Variants in FOXJ3 observed in about 807,000 individuals in gnomAD.
FOXJ3 encodes the protein forkhead box protein J3.
A neutral mutation model predicts 76.1 loss-of-function variants in FOXJ3; 22 were observed. The observed-to-expected ratio is 0.29, with a 90% CI of 0.21 to 0.41. The LOEUF is 0.41. FOXJ3 is among the 10% of genes least tolerant of loss of function. The probability of loss-of-function intolerance (pLI) is 1.00; values close to 1 mark genes in which losing one functional copy is unlikely to be tolerated. For synonymous variants in FOXJ3, 269 were observed against 261.2 expected (o/e 1.03, Z -0.29); for missense variants, 613 against 762.1 (o/e 0.80, Z 2.30).
rs373534101 is a variant in FOXJ3 at position 42,181,878 on chromosome 1, C to T, written c.1753+39G>A. 3 of 1,350,036 alleles carry T rather than the reference C, an allele frequency of 2.2e-6. No homozygotes were observed. In the African/African-American group the frequency reaches 4.4e-5, roughly 20 times the overall value. 83.6% of individuals were successfully genotyped at this position (1,350,036 alleles called of 1,614,324 possible). On this transcript the variant is annotated intron_variant, in intron 12 of 12. Transcript: ENST00000361346. ...TTCCTGGAGTGCTCACACACACACA[C>T]ACACACACACACACACTCACTCTCT...
upstream of FOXJ3, chr1:42,335,334 C>A (rs1014643296): frequency 6.6e-6 from 1 of 152,182 alleles, no homozygotes; most frequent in Non-Finnish European, 1.5e-5. Flanking sequence ...CCTGCGCGGT[C>A]ACGGTCGCTT....
chr1:42,318,597 G>A (rs938237727), intron 1 of FOXJ3, among the ~76,000 whole-genome samples: 5 of 152,044 alleles, frequency 3.3e-5, no homozygotes, highest in East Asian at 1.9e-4. Context: ...CGCCCACCTC[G>A]GCCTCCCAAA....
intron 4 of FOXJ3, among the ~76,000 whole-genome samples, chr1:42,250,798 C>CAAAA (rs61431089): frequency 1.3e-4 from 3 of 23,784 alleles, no homozygotes; most frequent in African/African-American, 3.4e-4. Flanking sequence ...AACTCCATCT[C>CAAAA]AAAAAAAAAA....
chr1:42,230,379 A>T (rs2124469165), intron 4 of FOXJ3, among the ~76,000 whole-genome samples: 1 of 152,318 alleles, frequency 6.6e-6, no homozygotes, highest in East Asian at 1.9e-4. Flanking sequence ...CCCTTATCCA[A>T]AATGCTTGAA....
Position 42,179,214 on chromosome 1 carries a change from C to G in FOXJ3, c.*496G>C, listed in dbSNP as rs1284823043. The G allele has an allele frequency of 6.6e-6, 1 of 152,644 alleles. No individual in the cohort carries two copies. Among genetic ancestry groups the G allele is most frequent in the African/African-American group, 2.4e-5 (1 of 41,462 alleles). The allele number at this position is 152,644 out of a possible 1,614,324, so 9.5% of individuals were successfully genotyped here. On this transcript the variant is annotated 3_prime_UTR_variant, in exon 13 of 13. Coordinates refer to ENST00000361346, the MANE Select transcript of FOXJ3 (RefSeq NM_014947.5). ...ACTGGGTTTTGGAAAAAATCTATTT[C>G]CTTTCAGTTTCCTACATCAGTTAAA...
chr1:42,221,720 C>T (rs1183999731), intron 5 of FOXJ3, among the ~76,000 whole-genome samples: 1 of 151,534 alleles, frequency 6.6e-6, no homozygotes, highest in Non-Finnish European at 1.5e-5. Context: ...TGCTAAAAAA[C>T]TACCTAAGAT....
chr1:42,273,266 A>T (rs1254130900), intron 3 of FOXJ3, among the ~76,000 whole-genome samples: 2 of 152,222 alleles, frequency 1.3e-5, no homozygotes, highest in South Asian at 2.1e-4. Context: ...TCTAATAAAG[A>T]TTGTAGCTCC....
intron 3 of FOXJ3, among the ~76,000 whole-genome samples, chr1:42,271,007 T>C (rs1226782315): frequency 1.3e-5 from 2 of 152,166 alleles, no homozygotes; most frequent in South Asian, 4.1e-4. Context: ...CTACCTAAAA[T>C]GGTTTCAGAA....
intron 9 of FOXJ3, among the ~76,000 whole-genome samples, chr1:42,190,797 A>G (rs1646525772): frequency 6.6e-6 from 1 of 152,216 alleles, no homozygotes; most frequent in East Asian, 1.9e-4. Flanking sequence ...CCTGGCAAAT[A>G]AAAATAAAGC....
At chr1:42,258,451 T>C (rs779755588) in intron 4 of FOXJ3, among the ~76,000 whole-genome samples, 9 of 152,126 alleles carry the variant, frequency 5.9e-5, no homozygotes, top group Admixed American at 1.3e-4. Context: ...GCTTGGACAA[T>C]AGGTTAAATA....
chr1:42,296,384 T>G (rs548440131), intron 2 of FOXJ3, among the ~76,000 whole-genome samples: 2 of 152,212 alleles, frequency 1.3e-5, no homozygotes, highest in South Asian at 4.1e-4. Context: ...TAGGCCAACA[T>G]CCAAGAGTTC....
chr1:42,272,720 T>G (rs11210615), intron 3 of FOXJ3, among the ~76,000 whole-genome samples: 3 of 152,186 alleles, frequency 2.0e-5, no homozygotes. Context: ...CAGAATGGAT[T>G]TGGCATTTTT....
chr1:42,217,817 C>A (rs1647101578), intron 5 of FOXJ3, among the ~76,000 whole-genome samples: 1 of 152,120 alleles, frequency 6.6e-6, no homozygotes, highest in Non-Finnish European at 1.5e-5. Context: ...TTGTATAGAT[C>A]CCAAAACTCC....
chr1:42,202,621 A>ATTTTATTTGTT (rs2124297599), intron 6 of FOXJ3, among the ~76,000 whole-genome samples: 1 of 152,346 alleles, frequency 6.6e-6, no homozygotes, highest in African/African-American at 2.4e-5. Context: ...AATAACAAAT[A>ATTTTATTTGTT]CGTATTGTAG....
intron 1 of FOXJ3, among the ~76,000 whole-genome samples, chr1:42,334,649 G>A (rs1194493130): frequency 1.3e-5 from 2 of 152,232 alleles, no homozygotes; most frequent in Non-Finnish European, 2.9e-5. Context: ...TTAAAGGGAA[G>A]AAGCCGCAGA....
intron 3 of FOXJ3, among the ~76,000 whole-genome samples, chr1:42,277,311 G>A (rs997504176): frequency 6.6e-6 from 1 of 151,728 alleles, no homozygotes; most frequent in Non-Finnish European, 1.5e-5. Flanking sequence ...GGCCATGGTG[G>A]CGTGCTCAGG....
intron 5 of FOXJ3, among the ~76,000 whole-genome samples, chr1:42,208,821 A>C (rs1338764904): frequency 6.6e-6 from 1 of 152,248 alleles, no homozygotes; most frequent in Non-Finnish European, 1.5e-5. Flanking sequence ...TACTGAACAT[A>C]ACAGCTCAGC....
intron 2 of FOXJ3, among the ~76,000 whole-genome samples, chr1:42,307,357 T>C (rs1654533428): frequency 6.6e-6 from 1 of 152,182 alleles, no homozygotes. Context: ...GGTCTAAGTG[T>C]CATTTCTTTG....
chr1:42,218,579 G>A (rs765355055), intron 5 of FOXJ3, among the ~76,000 whole-genome samples: 3 of 152,072 alleles, frequency 2.0e-5, no homozygotes, highest in Non-Finnish European at 4.4e-5. Flanking sequence ...TAAGATTTTA[G>A]GCAAAACTAT....
Sources: gnomAD v4.1 joint callset for allele counts (sites outside exome capture counted in the v4.1 genomes callset) on GRCh38, gnomAD v4.1.1 for gene constraint, MANE v1.5 for transcripts, NCBI Gene and HGNC (gene_info 2026-07-23, HGNC 2026-07-21) for gene names.